Variants in CLMP observed in about 807,000 individuals in gnomAD.
The protein encoded by CLMP is CXADR like cell adhesion molecule, also known as CXADR-like membrane protein.
Under a neutral mutation model 45.2 loss-of-function variants are expected in CLMP, and 27 were observed. The observed-to-expected ratio is 0.60, with a 90% CI of 0.44 to 0.82. The LOEUF (loss-of-function observed/expected upper bound fraction) is 0.82, where lower values mean the gene tolerates loss of function less well. Among genes scored for constraint, CLMP ranks in the 40% least tolerant of loss-of-function variants. The pLI is 0.00. For synonymous variants in CLMP, 167 were observed against 171.4 expected, an observed-to-expected ratio of 0.97 and a Z score of 0.20; for missense variants, 403 against 448.4, an observed-to-expected ratio of 0.90 and a Z score of 0.91.
intron 1 of CLMP, among the ~76,000 whole-genome samples, chr11:123,107,510 T>G (rs1270415890): frequency 1.3e-5 from 2 of 149,120 alleles, no homozygotes; most frequent in Non-Finnish European, 1.5e-5. Context: ...GGATTACAGG[T>G]GCGAGCCACC....
intron 1 of CLMP, among the ~76,000 whole-genome samples, chr11:123,155,473 G>T (rs949027414): frequency 6.6e-6 from 1 of 152,036 alleles, no homozygotes; most frequent in Non-Finnish European, 1.5e-5. Flanking sequence ...CAGTAAATTC[G>T]TTCTCTCATT....
rs1227674769 is a variant in CLMP at position 123,114,568 on chromosome 11, G to C, written c.29-16616C>G. On this transcript the variant is annotated intron_variant, in intron 1 of 6. Transcript: ENST00000448775. ...AATTCTTCCTCCTTGGCCTTCCAAA[G>C]GGCAAGGATTACAGGCGTGAGACAC... is the stretch of plus-strand genomic sequence containing the variant. 2.7e-5 allele frequency among the ~76,000 whole-genome samples: 4 copies of C among 150,708 alleles called. No individual in the cohort carries two copies. The East Asian group carries it at 5.9e-4, about 22-fold the overall frequency.
chr11:123,147,971 C>A (rs756738755), intron 1 of CLMP, among the ~76,000 whole-genome samples: 1 of 152,096 alleles, frequency 6.6e-6, no homozygotes. Flanking sequence ...AGCCACCGTG[C>A]GTGGCTTAGA....
chr11:123,129,271 A>G (rs1388480896), intron 1 of CLMP, among the ~76,000 whole-genome samples: 1 of 151,176 alleles, frequency 6.6e-6, no homozygotes, highest in East Asian at 1.9e-4. Context: ...CAGAGGTTGC[A>G]GTGAGCCGAG....
intron 1 of CLMP, among the ~76,000 whole-genome samples, chr11:123,120,588 AATG>A (rs921779483): frequency 1.3e-5 from 2 of 152,188 alleles, no homozygotes; most frequent in Admixed American, 6.5e-5. Context: ...TTGATGATTA[AATG>A]ATGATTATTA....
intron 2 of CLMP, among the ~76,000 whole-genome samples, chr11:123,092,133 C>T (rs959161078): frequency 1.3e-5 from 2 of 152,086 alleles, no homozygotes; most frequent in African/African-American, 4.8e-5. Flanking sequence ...TATAGCCTTT[C>T]TCGACTCCCC....
At chr11:123,124,817 G>A (rs145406165) in intron 1 of CLMP, among the ~76,000 whole-genome samples, 399 of 152,184 alleles carry the variant, frequency 2.6e-3, no homozygotes, top group African/African-American at 9.1e-3. Flanking sequence ...ATATTTTCTT[G>A]GAGTGTCAGT....
intron 1 of CLMP, among the ~76,000 whole-genome samples, chr11:123,165,435 G>T (rs910309636): frequency 6.6e-6 from 1 of 152,192 alleles, no homozygotes; most frequent in Admixed American, 6.5e-5. Context: ...TCCAGTATCT[G>T]GTACCTACCG....
intron 1 of CLMP, among the ~76,000 whole-genome samples, chr11:123,181,211 C>G (rs1235677894): frequency 6.6e-6 from 1 of 152,192 alleles, no homozygotes; most frequent in Non-Finnish European, 1.5e-5. Flanking sequence ...TCAGTCACTT[C>G]CCAACACCGC....
At chr11:123,117,344 G>A (rs913463508) in intron 1 of CLMP, among the ~76,000 whole-genome samples, 40 of 152,110 alleles carry the variant, frequency 2.6e-4, no homozygotes, top group African/African-American at 9.4e-4. Flanking sequence ...TAAGATCTAA[G>A]AGATAATAAT....
Position 123,073,268 on chromosome 11 carries a change from C to T in CLMP, c.*206G>A, listed in dbSNP as rs1197514222. The T allele has an allele frequency of 1.8e-6, 1 of 557,372 alleles. No homozygotes were observed. The highest frequency in any genetic ancestry group is 3.0e-6 in the Non-Finnish European group (1 of 328,062). 34.5% of individuals were successfully genotyped at this position (557,372 alleles called of 1,614,324 possible). A position where few individuals can be genotyped will look rare whatever the true frequency, so the allele number is the denominator to read the frequency against. ...CTGGTCTAAAGGCACAATAAGATGC[C>T]TTTTTACAGATGAATCAGCTTACAT... On this transcript the variant is annotated 3_prime_UTR_variant, in exon 7 of 7. Transcript: ENST00000448775.
chr11:123,141,944 G>A, intron 1 of CLMP, among the ~76,000 whole-genome samples: 1 of 150,676 alleles, frequency 6.6e-6, no homozygotes, highest in Non-Finnish European at 1.5e-5. Flanking sequence ...CTCTGGTAGA[G>A]CCAGAGAGAA....
At chr11:123,079,056 G>A (rs1865772333) in intron 5 of CLMP, among the ~76,000 whole-genome samples, 1 of 152,092 alleles carries the variant, frequency 6.6e-6, no homozygotes, top group Admixed American at 6.6e-5. Context: ...GGGATTACAG[G>A]CATGAGCCAC....
At chr11:123,117,490 G>A (rs994099121) in intron 1 of CLMP, among the ~76,000 whole-genome samples, 4 of 151,828 alleles carry the variant, frequency 2.6e-5, no homozygotes, top group African/African-American at 7.3e-5. Flanking sequence ...GCAGTGGTAC[G>A]ATCTCAGCTC....
intron 1 of CLMP, among the ~76,000 whole-genome samples, chr11:123,125,795 G>A (rs1002865319): frequency 6.6e-6 from 1 of 150,672 alleles, no homozygotes. Context: ...TAGTAGAGAC[G>A]GGGTTTCACC....
intron 1 of CLMP, among the ~76,000 whole-genome samples, chr11:123,140,204 G>A (rs1241054711): frequency 1.3e-5 from 2 of 152,180 alleles, no homozygotes; most frequent in African/African-American, 2.4e-5. Flanking sequence ...TGGCTAAAGC[G>A]TAGTTATCTG....
intron 1 of CLMP, among the ~76,000 whole-genome samples, chr11:123,158,023 C>T (rs570351647): frequency 2.4e-4 from 36 of 152,288 alleles, no homozygotes; most frequent in East Asian, 7.7e-4. Context: ...CCCCCAGTTT[C>T]GCTCTCCCAG....
At chr11:123,085,769 G>GTTTTTTTT (rs200240564) in intron 2 of CLMP, among the ~76,000 whole-genome samples, 2 of 134,208 alleles carry the variant, frequency 1.5e-5, no homozygotes, top group Non-Finnish European at 1.6e-5. Context: ...AATTTTTTAT[G>GTTTTTTTT]TTTTTTTTTT....
intron 1 of CLMP, among the ~76,000 whole-genome samples, chr11:123,109,622 C>A (rs145433430): frequency 6.6e-5 from 10 of 152,294 alleles, no homozygotes; most frequent in Middle Eastern, 3.4e-3. Context: ...ACATAGTTAT[C>A]CTGCTGGCTG....
Sources: gnomAD v4.1 joint callset for allele counts (sites outside exome capture counted in the v4.1 genomes callset) on GRCh38, gnomAD v4.1.1 for gene constraint, MANE v1.5 for transcripts, NCBI Gene and HGNC (gene_info 2026-07-23, HGNC 2026-07-21) for gene names.